NAALADL2: variants seen among roughly 807,000 people sequenced by gnomAD.
NAALADL2 encodes the protein N-acetylated alpha-linked acidic dipeptidase like 2, also known as inactive N-acetylated-alpha-linked acidic dipeptidase-like protein 2.
In NAALADL2, 76 loss-of-function variants were observed where a neutral mutation model predicts 87.2. The ratio of observed to expected loss-of-function variants is 0.87; its 90% confidence interval spans 0.72 to 1.05. The LOEUF is 1.05. Ranked by LOEUF, NAALADL2 falls within the 50% of genes least tolerant of loss-of-function variation. NAALADL2 has a pLI of 0.00. For missense variants in NAALADL2, 1,089 were observed against 945.8 expected, an observed-to-expected ratio of 1.15 and a Z score of -1.99; for synonymous variants, 354 against 331.0, an observed-to-expected ratio of 1.07 and a Z score of -0.75.
At chr3:175,433,323 AT>A (rs1462474789) in intron 5 of NAALADL2, among the ~76,000 whole-genome samples, 3 of 152,028 alleles carry the variant, frequency 2.0e-5, no homozygotes, top group Non-Finnish European at 4.4e-5. Context: ...ATATAACATC[AT>A]TGGGTTGTGA....
chr3:175,477,663 T>G (rs74713128), intron 9 of NAALADL2, among the ~76,000 whole-genome samples: 73 of 152,276 alleles, frequency 4.8e-4, no homozygotes, highest in African/African-American at 1.6e-3. Context: ...TGGATTTTCA[T>G]AATATGCTTT....
chr3:174,991,646 A>C (rs1298462707), intron 1 of NAALADL2, among the ~76,000 whole-genome samples: 2 of 152,130 alleles, frequency 1.3e-5, no homozygotes, highest in African/African-American at 4.8e-5. Flanking sequence ...AAGCAATTAA[A>C]ATATGCTTCT....
rs76627561 is a variant in NAALADL2, at chr3:175,295,309, G to A, written c.940-28866G>A. Among the ~76,000 whole-genome samples, 1,511 of 152,228 alleles carry A rather than the reference G, an allele frequency of 9.9e-3. 28 individuals carry two copies. The highest frequency in any genetic ancestry group is 0.034 in the African/African-American group (1,419 of 41,546). ...TATCCATTATAGTTCAACCCACTGA[G>A]TGCTGGACAGACTCATTTAGACATT... is the stretch of plus-strand genomic sequence containing the variant. On this transcript the variant is annotated intron_variant, in intron 4 of 13. Coordinates refer to ENST00000454872, the MANE Select transcript of NAALADL2 (RefSeq NM_207015.3).
At chr3:175,331,259 C>A (rs1761361418) in intron 5 of NAALADL2, among the ~76,000 whole-genome samples, 1 of 152,098 alleles carries the variant, frequency 6.6e-6, no homozygotes, top group African/African-American at 2.4e-5. Context: ...CAAACTAGTG[C>A]AAAAAATTGA....
chr3:175,305,912 C>T (rs931837307), intron 4 of NAALADL2, among the ~76,000 whole-genome samples: 1 of 152,112 alleles, frequency 6.6e-6, no homozygotes, highest in Non-Finnish European at 1.5e-5. Context: ...ATTTGTTTCT[C>T]TGCCTTTAAT....
chr3:174,927,064 T>C (rs1288470842), intron 1 of NAALADL2, among the ~76,000 whole-genome samples: 2 of 148,578 alleles, frequency 1.3e-5, no homozygotes, highest in African/African-American at 2.5e-5. Flanking sequence ...GCAATCCTGG[T>C]CTCTGATAAA....
chr3:175,014,995 T>C (rs2108833307), intron 1 of NAALADL2, among the ~76,000 whole-genome samples: 1 of 152,228 alleles, frequency 6.6e-6, no homozygotes, highest in South Asian at 2.1e-4. Context: ...TCATTTAACA[T>C]TAGATGTGTA....
At position 174,765,176 on chromosome 3, in the gene NAALADL2, G is replaced by C. The variant is rs561761507; in HGVS notation, c.-9+27430G>C. On this transcript the variant is annotated intron_variant, in intron 3 of 3. Coordinates refer to the NAALADL2 transcript ENST00000434257. ...AGAGAGAGAGAGAGAGAGAGACAGA[G>C]AGAACAAGAGACAGTGGTTGGTTAT... Among the ~76,000 whole-genome samples the C allele has an allele frequency of 1.2e-3, 175 of 147,702 alleles. 2 individuals are homozygous for C. The highest frequency in any genetic ancestry group is 4.0e-3 in the African/African-American group (151 of 38,046).
intron 1 of NAALADL2, among the ~76,000 whole-genome samples, chr3:174,948,270 G>A (rs1462299361): frequency 3.3e-5 from 5 of 152,100 alleles, no homozygotes; most frequent in South Asian, 4.1e-4. Flanking sequence ...TCCACCTCCC[G>A]GGTTGAAGCA....
At chr3:174,578,675 G>A (rs531993756) in intron 2 of NAALADL2, among the ~76,000 whole-genome samples, 1 of 151,940 alleles carries the variant, frequency 6.6e-6, no homozygotes, top group South Asian at 2.1e-4. Flanking sequence ...TGTACGGGAA[G>A]GAACAGAGAG....
At position 175,250,397 on chromosome 3, in the gene NAALADL2, C is replaced by T. The variant is rs544558777; in HGVS notation, c.820-6014C>T. Among the ~76,000 whole-genome samples the T allele has an allele frequency of 1.3e-3, 196 of 152,004 alleles. 1 individual carries two copies. The highest frequency in any genetic ancestry group is 4.7e-3 in the African/African-American group (193 of 41,454). The stretch of plus-strand genomic sequence containing the variant: ...TAGCACCTTGATCTTGAATTCTTAG[C>T]CTCCATAACTCAGATAATAAATTTG... On this transcript the variant is annotated intron_variant, in intron 3 of 13. Transcript: ENST00000454872.
chr3:175,586,184 CTA>C (rs1233038620), intron 10 of NAALADL2, among the ~76,000 whole-genome samples: 1 of 151,982 alleles, frequency 6.6e-6, no homozygotes, highest in Non-Finnish European at 1.5e-5. Flanking sequence ...TGGCAGGTTT[CTA>C]TGTCTAGTTC....
intron 3 of NAALADL2, among the ~76,000 whole-genome samples, chr3:175,254,874 T>G (rs1161493312): frequency 6.6e-6 from 1 of 152,192 alleles, no homozygotes; most frequent in African/African-American, 2.4e-5. Flanking sequence ...GACAGAAGTG[T>G]TTTTAACAAT....
chr3:175,685,864 C>T (rs976185605), intron 11 of NAALADL2, among the ~76,000 whole-genome samples: 1 of 152,138 alleles, frequency 6.6e-6, no homozygotes, highest in South Asian at 2.1e-4. Context: ...TGAGGCCCAC[C>T]TACATTAGGA....
Position 175,445,624 on chromosome 3 carries a change from C to T in NAALADL2, c.1091-1605C>T, listed in dbSNP as rs189229834. ...TGCCTTTTTCCCTTTTCTCCTTTTTCCTAAAAAGGATCATTTTTGTGTTAA... is the reference window on the plus strand; with the variant it reads ...TGCCTTTTTCCCTTTTCTCCTTTTTTCTAAAAAGGATCATTTTTGTGTTAA... On this transcript the variant is annotated intron_variant, in intron 5 of 13. Coordinates refer to ENST00000454872, the MANE Select transcript of NAALADL2 (RefSeq NM_207015.3). Among the ~76,000 whole-genome samples, 35 of 152,044 alleles carry T rather than the reference C, an allele frequency of 2.3e-4. 1 individual carries two copies. In the East Asian group the frequency reaches 6.6e-3, roughly 29 times the overall value.
chr3:175,110,007 AGTAC>A (rs1393088322), intron 2 of NAALADL2, among the ~76,000 whole-genome samples: 6 of 151,840 alleles, frequency 4.0e-5, no homozygotes, highest in Non-Finnish European at 7.4e-5. Context: ...AAATATTGAA[AGTAC>A]AGTAATTTAT....
intron 2 of NAALADL2, among the ~76,000 whole-genome samples, chr3:174,691,614 T>C (rs1295198943): frequency 3.3e-5 from 5 of 152,084 alleles, no homozygotes; most frequent in Non-Finnish European, 5.9e-5. Context: ...ACAGTAAAGT[T>C]TACCACATCA....
intron 1 of NAALADL2, among the ~76,000 whole-genome samples, chr3:174,894,589 C>G (rs370743410): frequency 6.3e-5 from 3 of 47,980 alleles, no homozygotes; most frequent in African/African-American, 2.9e-4. Flanking sequence ...AGTGAAACTC[C>G]GTCTCAAAAA....
chr3:175,087,633 T>C (rs1484632136), intron 1 of NAALADL2, among the ~76,000 whole-genome samples: 1 of 152,166 alleles, frequency 6.6e-6, no homozygotes, highest in African/African-American at 2.4e-5. Context: ...CTCTGAAACA[T>C]GTGCTGTGTC....
Sources: gnomAD v4.1 joint callset for allele counts (sites outside exome capture counted in the v4.1 genomes callset) on GRCh38, gnomAD v4.1.1 for gene constraint, MANE v1.5 for transcripts, NCBI Gene and HGNC (gene_info 2026-07-23, HGNC 2026-07-21) for gene names.